Variants in DNAH14 observed in about 807,000 individuals in gnomAD.
The protein encoded by DNAH14 is axonemal beta dynein heavy chain 14.
DNAH14 carries 478 observed loss-of-function variants against 520.9 expected under a neutral mutation model. The ratio of observed to expected loss-of-function variants is 0.92; its 90% CI spans 0.85 to 0.99. The LOEUF (loss-of-function observed/expected upper bound fraction) is 0.99. Among genes scored for constraint, DNAH14 ranks in the 50% least tolerant of loss-of-function variants. The probability of loss-of-function intolerance (pLI) is 0.00; values close to 1 mark genes in which losing one functional copy is unlikely to be tolerated. For missense variants in DNAH14, 4,831 were observed against 5,234.5 expected (o/e 0.92, Z 2.38); for synonymous variants, 1,581 against 1,757.2 (o/e 0.90, Z 2.51).
rs765543106 is a variant in DNAH14 at position 225,353,819 on chromosome 1, A to G, written c.11550A>G (p.Glu3850=). ...TATATCTAGCTGAACTTTTGAATGA[A>G]AATAAAGAAACGTGTAATCCTATAA... The part of the protein sequence containing the change: ...KPPEETELLN[E]NKETCNPINF... Residue 3850 remains glutamate (E), a synonymous_variant, in exon 73 of 86, where the codon GAA becomes GAG. Transcript: ENST00000682510. 2 of 1,506,664 alleles carry G rather than the reference A, an allele frequency of 1.3e-6. No individual in the cohort carries two copies. Among genetic ancestry groups the G allele is most frequent in the Non-Finnish European group, 1.8e-6 (2 of 1,115,030 alleles). 93.3% of individuals were successfully genotyped at this position (1,506,664 alleles called of 1,614,324 possible).
At chr1:225,024,196 C>G in intron 11 of DNAH14, 1 of 987,180 alleles carries the variant, frequency 1.0e-6, no homozygotes, top group Non-Finnish European at 1.2e-6. Flanking sequence ...TTTGTTATAT[C>G]TGGCAATTCT....
chr1:225,301,625 T>C (rs1574625883), intron 56 of DNAH14, among the ~76,000 whole-genome samples: 1 of 152,154 alleles, frequency 6.6e-6, no homozygotes, highest in East Asian at 1.9e-4. Flanking sequence ...AGCAAATATA[T>C]GGACATGATT....
chr1:225,243,401 A>G (rs891477983), intron 43 of DNAH14, among the ~76,000 whole-genome samples: 4 of 152,068 alleles, frequency 2.6e-5, no homozygotes, highest in Non-Finnish European at 5.9e-5. Context: ...GAGAGCCAAA[A>G]AAAATTATAA....
intron 36 of DNAH14, among the ~76,000 whole-genome samples, chr1:225,179,250 C>T (rs2083691883): frequency 6.6e-6 from 1 of 152,110 alleles, no homozygotes; most frequent in South Asian, 2.1e-4. Flanking sequence ...TTGCTACTGC[C>T]ATTTTGTTAC....
At chr1:225,186,199 AT>A (rs34350256) in intron 37 of DNAH14, among the ~76,000 whole-genome samples, 19,309 of 151,630 alleles carry the variant, frequency 0.13, 1,375 homozygotes, top group East Asian at 0.31. Context: ...AAATTTACAA[AT>A]TCAGATTCTT....
chr1:225,127,874 T>A (rs2077927600), intron 27 of DNAH14, among the ~76,000 whole-genome samples: 1 of 152,188 alleles, frequency 6.6e-6, no homozygotes, highest in South Asian at 2.1e-4. Context: ...GTTTAGTGCT[T>A]CCTTCAGGAG....
At chr1:225,021,266 C>T (rs895962424) in intron 10 of DNAH14, among the ~76,000 whole-genome samples, 3 of 152,090 alleles carry the variant, frequency 2.0e-5, no homozygotes, top group Non-Finnish European at 4.4e-5. Context: ...TCTTACCACT[C>T]CTGTTAAACA....
At chr1:225,070,403 G>A (rs182882889) in intron 17 of DNAH14, among the ~76,000 whole-genome samples, 85 of 152,216 alleles carry the variant, frequency 5.6e-4, no homozygotes, top group Non-Finnish European at 1.1e-3. Flanking sequence ...CTGGTACATT[G>A]TATATTTGTC....
intron 5 of DNAH14, among the ~76,000 whole-genome samples, chr1:224,965,822 T>C (rs1049339009): frequency 3.3e-5 from 5 of 152,118 alleles, no homozygotes; most frequent in African/African-American, 1.2e-4. Context: ...TGGCAGGTAG[T>C]GGGCACAGTA....
At chr1:225,336,084 C>CATATATGTATACATACATACTTATATAT (rs2095045401) in intron 66 of DNAH14, among the ~76,000 whole-genome samples, 1 of 121,860 alleles carries the variant, frequency 8.2e-6, no homozygotes, top group African/African-American at 4.1e-5. Context: ...CTTATATATA[C>CATATATGTATACATACATACTTATATAT]ATATATGCTT....
rs185064084 is a variant in DNAH14, at chr1:225,063,744, A to C, written c.2424+11949A>C. Among the ~76,000 whole-genome samples the C allele has an allele frequency of 2.0e-3, 303 of 152,196 alleles. 1 individual carries two copies. The highest frequency in any genetic ancestry group is 3.1e-3 in the Non-Finnish European group (212 of 67,954). On this transcript the variant is annotated intron_variant, in intron 17 of 85. Coordinates refer to ENST00000682510, the MANE Select transcript of DNAH14 (RefSeq NM_001367479.1). ...AAAGTTATCTGAAAAATGATGAAAT[A>C]GTTTCCAGATTTGATGAAAAGTATA...
At chr1:225,048,419 C>T (rs2148281688) in intron 15 of DNAH14, among the ~76,000 whole-genome samples, 1 of 152,206 alleles carries the variant, frequency 6.6e-6, no homozygotes, top group South Asian at 2.1e-4. Context: ...GGAGGACGGC[C>T]TGAGCCCAGG....
intron 17 of DNAH14, among the ~76,000 whole-genome samples, chr1:225,062,576 C>A (rs2070313713): frequency 6.6e-6 from 1 of 152,094 alleles, no homozygotes; most frequent in African/African-American, 2.4e-5. Flanking sequence ...GAAATCTGCC[C>A]TGGGGTCCTG....
chr1:225,020,899 C>T (rs559552716), intron 10 of DNAH14, among the ~76,000 whole-genome samples: 1 of 152,232 alleles, frequency 6.6e-6, no homozygotes, highest in East Asian at 1.9e-4. Context: ...TGAACACAGA[C>T]ACACAAATTA....
At chr1:224,997,741 A>G (rs2063490309) in intron 8 of DNAH14, among the ~76,000 whole-genome samples, 1 of 151,000 alleles carries the variant, frequency 6.6e-6, no homozygotes, top group Non-Finnish European at 1.5e-5. Context: ...TTTTTTTCAG[A>G]TTATCGATTT....
At chr1:224,973,536 A>G (rs747127934) in intron 7 of DNAH14, among the ~76,000 whole-genome samples, 3 of 152,320 alleles carry the variant, frequency 2.0e-5, no homozygotes, top group Admixed American at 6.5e-5. Flanking sequence ...TGTCTTTTTC[A>G]AAATGCATGA....
At chr1:224,951,918 C>T (rs1267551283) in intron 1 of DNAH14, among the ~76,000 whole-genome samples, 1 of 152,154 alleles carries the variant, frequency 6.6e-6, no homozygotes, top group African/African-American at 2.4e-5. Context: ...GGATTACAGG[C>T]GTGAGCCACG....
At chr1:225,380,957 C>G (rs2095773772) in intron 80 of DNAH14, among the ~76,000 whole-genome samples, 1 of 152,168 alleles carries the variant, frequency 6.6e-6, no homozygotes, top group Admixed American at 6.5e-5. Context: ...AAATCCAGCC[C>G]ACCATTTGTT....
chr1:225,224,758 A>G (rs568234438), intron 41 of DNAH14, among the ~76,000 whole-genome samples: 19 of 152,272 alleles, frequency 1.2e-4, no homozygotes, highest in African/African-American at 4.1e-4. Flanking sequence ...TTCCTCACTC[A>G]TTCTGGATTT....
Sources: allele counts gnomAD v4.1 joint callset (sites outside exome capture counted in the v4.1 genomes callset), GRCh38; gene constraint gnomAD v4.1.1; transcripts MANE v1.5; gene names NCBI Gene and HGNC (gene_info 2026-07-23, HGNC 2026-07-21).